The following RALGPS1 variants were observed in gnomAD, a reference collection of about 807,000 sequenced individuals.
RALGPS1 encodes ras-specific guanine nucleotide-releasing factor RalGPS1.
RALGPS1 carries 19 observed loss-of-function variants against 78.8 expected under a neutral mutation model. That is an observed-to-expected ratio of 0.24 (90% CI 0.17 to 0.35). The LOEUF (loss-of-function observed/expected upper bound fraction) is 0.35. RALGPS1 is among the 10% of genes least tolerant of loss of function. RALGPS1 has a pLI of 1.00. For missense variants in RALGPS1, 454 were observed against 688.3 expected (o/e 0.66, Z 3.81); for synonymous variants, 228 against 256.3 (o/e 0.89, Z 1.06).
intron 8 of RALGPS1, among the ~76,000 whole-genome samples, chr9:127,161,559 G>C (rs1424798938): frequency 2.0e-5 from 3 of 152,170 alleles, no homozygotes; most frequent in Non-Finnish European, 4.4e-5. Context: ...CACTGATGAT[G>C]GGACCTGGGG....
intron 8 of RALGPS1, among the ~76,000 whole-genome samples, chr9:127,084,527 C>T (rs2051500204): frequency 6.6e-6 from 1 of 152,214 alleles, no homozygotes; most frequent in Non-Finnish European, 1.5e-5. Flanking sequence ...CCTCTTCCCA[C>T]TGCTCTTTGT....
chr9:127,034,649 ACC>A, intron 5 of RALGPS1, 135 bp downstream of exon 5: 1 of 723,682 alleles, frequency 1.4e-6, no homozygotes, highest in Admixed American at 2.1e-5. Flanking sequence ...TGAGTCCCCC[ACC>A]TTTATCCAGT....
chr9:126,922,095 G>A (rs560368493), intron 1 of RALGPS1, among the ~76,000 whole-genome samples: 2 of 152,324 alleles, frequency 1.3e-5, no homozygotes, highest in South Asian at 4.1e-4. Context: ...GTGAGGGAGA[G>A]GACGGAGCCA....
chr9:127,074,045 C>T (rs1167367676), intron 8 of RALGPS1, among the ~76,000 whole-genome samples: 2 of 152,124 alleles, frequency 1.3e-5, no homozygotes, highest in Non-Finnish European at 2.9e-5. Flanking sequence ...CCATGCCCCG[C>T]TAAGTTTTGT....
chr9:127,018,641 A>G (rs867609341), intron 4 of RALGPS1, among the ~76,000 whole-genome samples: 1 of 106,090 alleles, frequency 9.4e-6, no homozygotes, highest in East Asian at 2.7e-4. Flanking sequence ...AAAAAATAAT[A>G]ATGATGATAA....
chr9:126,935,935 G>T (rs1231816632), intron 1 of RALGPS1, among the ~76,000 whole-genome samples: 1 of 152,236 alleles, frequency 6.6e-6, no homozygotes, highest in Non-Finnish European at 1.5e-5. Context: ...TCTTGGAGGG[G>T]CTGGTGGGAT....
intron 4 of RALGPS1, chr9:126,978,431 T>C (rs2040890312): frequency 6.6e-6 from 1 of 151,994 alleles, no homozygotes; most frequent in African/African-American, 2.4e-5. Flanking sequence ...TTTTGGTTAT[T>C]TTACCCAGGG....
At chr9:127,018,323 A>C (rs923031683) in intron 4 of RALGPS1, among the ~76,000 whole-genome samples, 20 of 145,840 alleles carry the variant, frequency 1.4e-4, no homozygotes, top group Non-Finnish European at 2.1e-4. Flanking sequence ...AAAAAAAAAA[A>C]CAGTAGAAGG....
chr9:127,209,265 G>A (rs1356053943), intron 14 of RALGPS1, among the ~76,000 whole-genome samples: 2 of 152,268 alleles, frequency 1.3e-5, no homozygotes, highest in Non-Finnish European at 2.9e-5. Context: ...TTCTGCATGG[G>A]CTAGCGACCT....
chr9:126,929,394 C>T (rs1230713671), intron 1 of RALGPS1, among the ~76,000 whole-genome samples: 5 of 152,224 alleles, frequency 3.3e-5, no homozygotes, highest in Non-Finnish European at 7.3e-5. Context: ...TCTGAATCAA[C>T]ACCTGGAGGT....
rs542447890 is a variant in RALGPS1 at position 127,198,758 on chromosome 9, G to GC, written c.1196-255dup. 1.4e-3 allele frequency among the ~76,000 whole-genome samples: 219 copies of GC among 152,306 alleles called. 2 individuals are homozygous for GC. The highest frequency in any genetic ancestry group is 1.4e-3 in the Non-Finnish European group (92 of 68,014). On this transcript the variant is annotated intron_variant, in intron 13 of 18. Transcript: ENST00000259351. ...AGCCTGAGGACCCAGACCCCAGCGG[G>GC]CCAGTGGGCAGTTAGCTGTGGCCCC... is the stretch of plus-strand genomic sequence containing the variant.
chr9:127,050,594 A>G lies in RALGPS1; in HGVS notation c.390+462A>G, dbSNP rs190709741. Among the ~76,000 whole-genome samples the G allele has an allele frequency of 3.9e-5, 6 of 152,084 alleles. No homozygotes were observed. The East Asian group carries it at 1.2e-3, about 29-fold the overall frequency. ...CCCCACCCACCTCCCACTGAGCTTCAGGTCTGGGCCAGATGACTCTGCAGC... is the reference window on the plus strand; with the variant it reads ...CCCCACCCACCTCCCACTGAGCTTCGGGTCTGGGCCAGATGACTCTGCAGC... On this transcript the variant is annotated intron_variant, in intron 6 of 18. Coordinates refer to ENST00000259351, the MANE Select transcript of RALGPS1 (RefSeq NM_014636.3).
chr9:126,938,518 A>G (rs1026951343), intron 1 of RALGPS1, among the ~76,000 whole-genome samples: 6 of 152,076 alleles, frequency 3.9e-5, no homozygotes, highest in Non-Finnish European at 8.8e-5. Flanking sequence ...GTTGGTAGGC[A>G]GAAAGGCATG....
chr9:127,137,698 A>G (rs545883461), intron 8 of RALGPS1, among the ~76,000 whole-genome samples: 3 of 152,320 alleles, frequency 2.0e-5, no homozygotes, highest in African/African-American at 4.8e-5. Flanking sequence ...TTTAAGAAGT[A>G]TTACTGAGGT....
Position 127,205,057 on chromosome 9 carries a change from C to T in RALGPS1, c.1247+5991C>T, listed in dbSNP as rs2061858249. 6.6e-6 allele frequency among the ~76,000 whole-genome samples: 1 copy of T among 152,256 alleles called. No individual in the cohort carries two copies. The highest frequency in any genetic ancestry group is 1.5e-5 in the Non-Finnish European group (1 of 68,050). On this transcript the variant is annotated intron_variant, in intron 14 of 18. Coordinates refer to ENST00000259351, the MANE Select transcript of RALGPS1 (RefSeq NM_014636.3). This position sits in a 1 kb window ranked among gnomAD's most constrained non-coding sequence, Gnocchi z 4.0. ...CCGCAGAGGACCTCACTGTCCCCCACACCTGTGGCTGAGGCCAGGATCCCA... is the reference window on the plus strand; with the variant it reads ...CCGCAGAGGACCTCACTGTCCCCCATACCTGTGGCTGAGGCCAGGATCCCA...
At chr9:126,971,741 A>G (rs1049959803) in intron 3 of RALGPS1, among the ~76,000 whole-genome samples, 11 of 152,330 alleles carry the variant, frequency 7.2e-5, no homozygotes, top group South Asian at 2.1e-4. Context: ...TAAACATGCA[A>G]TTACTTGTGG....
chr9:127,082,714 G>A (rs573675976), intron 8 of RALGPS1, among the ~76,000 whole-genome samples: 7 of 152,258 alleles, frequency 4.6e-5, no homozygotes, highest in South Asian at 2.1e-4. Flanking sequence ...TTTCTGTTAC[G>A]TTGAAGAGAG....
intron 7 of RALGPS1, among the ~76,000 whole-genome samples, chr9:127,066,316 A>G (rs2049696368): frequency 6.6e-6 from 1 of 152,196 alleles, no homozygotes. Flanking sequence ...GACCTCCTGA[A>G]TAAGGGGCGT....
chr9:126,946,634 G>A (rs909434376), intron 1 of RALGPS1, among the ~76,000 whole-genome samples: 23 of 150,960 alleles, frequency 1.5e-4, no homozygotes, highest in African/African-American at 5.1e-4. Context: ...CTGTGATTCC[G>A]AACACACACA....
Sources: allele counts gnomAD v4.1 joint callset (sites outside exome capture counted in the v4.1 genomes callset), GRCh38; gene constraint gnomAD v4.1.1; non-coding constraint Gnocchi (gnomAD v3.1); transcripts MANE v1.5; gene names NCBI Gene and HGNC (gene_info 2026-07-23, HGNC 2026-07-21).